Variants in TMEM62 observed in about 807,000 individuals in gnomAD.
TMEM62 encodes transmembrane protein 62.
Under a neutral mutation model 70.4 loss-of-function variants are expected in TMEM62, and 41 were observed. The ratio of observed to expected loss-of-function variants is 0.58; its 90% CI spans 0.45 to 0.76. The LOEUF (loss-of-function observed/expected upper bound fraction) is 0.76. Among genes scored for constraint, TMEM62 ranks in the 30% least tolerant of loss-of-function variants. TMEM62 has a pLI of 0.00. For missense variants in TMEM62, 688 were observed against 788.5 expected, an observed-to-expected ratio of 0.87 and a Z score of 1.53; for synonymous variants, 268 against 291.0, an observed-to-expected ratio of 0.92 and a Z score of 0.80.
chr15:43,135,419 G>A, intron 2 of TMEM62, 93 bp from the exon 3 acceptor site: 6 of 1,322,372 alleles, frequency 4.5e-6, no homozygotes, highest in Non-Finnish European at 6.0e-6. Flanking sequence ...AGTGCTTTAA[G>A]TATCCTTGTT....
intron 8 of TMEM62, among the ~76,000 whole-genome samples, chr15:43,154,154 C>G (rs1483044631): frequency 2.0e-5 from 3 of 152,118 alleles, no homozygotes; most frequent in Non-Finnish European, 4.4e-5. Context: ...AAATGGAACA[C>G]ACATGTGTCA....
At chr15:43,140,844 A>C (rs1443508000) in intron 4 of TMEM62, among the ~76,000 whole-genome samples, 2 of 152,166 alleles carry the variant, frequency 1.3e-5, no homozygotes, top group Non-Finnish European at 2.9e-5. Flanking sequence ...ATGGCATCCA[A>C]ACCCGCGCCC....
At chr15:43,175,720 G>T (rs997948713) in intron 11 of TMEM62, among the ~76,000 whole-genome samples, 2 of 152,174 alleles carry the variant, frequency 1.3e-5, no homozygotes, top group Middle Eastern at 3.2e-3. Flanking sequence ...GGCCGAACAG[G>T]AACAGCTCCG....
At chr15:43,149,506 AT>A (rs34518288) in intron 7 of TMEM62, among the ~76,000 whole-genome samples, 169 of 145,364 alleles carry the variant, frequency 1.2e-3, no homozygotes, top group East Asian at 2.8e-3. Context: ...AACAAATTAC[AT>A]TTTTTTTTTT....
intron 1 of TMEM62, 98 bp from the exon 2 acceptor site, chr15:43,134,157 CTT>C (rs2034835077): frequency 2.0e-6 from 3 of 1,468,592 alleles, no homozygotes; most frequent in Non-Finnish European, 2.8e-6. Flanking sequence ...TGCATTGCCT[CTT>C]TGCCTTTTCC....
chr15:43,137,726 C>A (rs2035423322), intron 3 of TMEM62, among the ~76,000 whole-genome samples: 1 of 152,230 alleles, frequency 6.6e-6, no homozygotes, highest in Non-Finnish European at 1.5e-5. Context: ...ACAGGACAGC[C>A]TCCATGGAAG....
In TMEM62 at chr15:43,133,847, C is replaced by A. The variant is rs1256231075; in HGVS notation, c.45C>A (p.Ala15=). The change falls in exon 1 of 14, where the codon GCC becomes GCA. Residue 15 remains alanine, a synonymous_variant. Transcript: ENST00000260403. ...TCAGGGTGGTCGCGGGGTTGGCGGC[C>A]GCAGCGCTGGTGGCCATGCTCTTGG... ...LALRVVAGLA[A]AALVAMLLEH... is the part of the protein sequence containing the mutation. The A allele has an allele frequency of 2.7e-6, 4 of 1,464,978 alleles. No individual in the cohort carries two copies. The Middle Eastern group carries it at 7.2e-4, about 263-fold the overall frequency. The allele number at this position is 1,464,978 out of a possible 1,614,324, so 90.7% of individuals were successfully genotyped here. A position where few individuals can be genotyped will look rare whatever the true frequency, so the allele number is the denominator to read the frequency against.
chr15:43,135,840 T>G (rs1348762685), intron 3 of TMEM62, 191 bp downstream of exon 3: 9 of 543,596 alleles, frequency 1.7e-5, no homozygotes, highest in African/African-American at 1.4e-4. Flanking sequence ...GAGATGACAA[T>G]TGGTATGGTC....
intron 3 of TMEM62, 125 bp from the exon 4 acceptor site, chr15:43,138,449 A>G (rs2035538312): frequency 1.3e-5 from 10 of 756,782 alleles, no homozygotes; most frequent in Admixed American, 2.6e-5. Flanking sequence ...GAACGGCTCT[A>G]CCCTGGGGGT....
chr15:43,155,374 T>C (rs1368481816), intron 9 of TMEM62, among the ~76,000 whole-genome samples: 1 of 151,912 alleles, frequency 6.6e-6, no homozygotes, highest in Non-Finnish European at 1.5e-5. Flanking sequence ...CGTGCATCTG[T>C]AGTCCTAGCT....
chr15:43,136,548 G>A (rs186359816), intron 3 of TMEM62, among the ~76,000 whole-genome samples: 2 of 151,864 alleles, frequency 1.3e-5, no homozygotes, highest in Admixed American at 6.5e-5. Context: ...GAGTTCAAGC[G>A]ATTCCCCTGC....
At chr15:43,160,849 T>C in intron 10 of TMEM62, 55 bp downstream of exon 10, 1 of 1,037,548 alleles carries the variant, frequency 9.6e-7, no homozygotes. Context: ...CTAAATAATA[T>C]ACAGTAGTCC....
At chr15:43,163,729 C>A (rs1033756959) in intron 10 of TMEM62, among the ~76,000 whole-genome samples, 1 of 151,766 alleles carries the variant, frequency 6.6e-6, no homozygotes, top group Admixed American at 6.6e-5. Context: ...TTGCAGTGAG[C>A]CAAGATCATG....
At chr15:43,161,454 C>A (rs2038688731) in intron 10 of TMEM62, among the ~76,000 whole-genome samples, 1 of 148,610 alleles carries the variant, frequency 6.7e-6, no homozygotes, top group African/African-American at 2.4e-5. Flanking sequence ...AAGAATATTT[C>A]TTTCCACATC....
At position 43,160,703 on chromosome 15, in the gene TMEM62, G is replaced by T; in HGVS notation, c.1205G>T (p.Ser402Ile). Residue 402 changes from serine (S) to isoleucine (I), a missense_variant, in exon 10 of 14, where the codon AGT becomes ATT. Ser to Ile is a moderately radical substitution (Grantham distance 142). Coordinates refer to ENST00000260403, the MANE Select transcript of TMEM62 (RefSeq NM_024956.4). ...TAGGATTCTGCTGGAAGAAGTAAGA[G>T]TGTTCACCACATATTTTCTGTTCAA... The part of the protein sequence containing the change: ...IVQDSAGRSK[S>I]VHHIFSVQEN... The T allele has an allele frequency of 6.2e-7, 1 of 1,609,856 alleles. No individual in the cohort carries two copies. Among genetic ancestry groups the T allele is most frequent in the Non-Finnish European group, 8.5e-7 (1 of 1,177,316 alleles).
Position 43,134,377 on chromosome 15 carries a change from G to C in TMEM62, c.292+9G>C, listed in dbSNP as rs747712007. 1.4e-4 allele frequency: 230 copies of C among 1,602,568 alleles called. No individual in the cohort carries two copies. Among genetic ancestry groups the C allele is most frequent in the Non-Finnish European group, 1.8e-4 (214 of 1,170,242 alleles). On this transcript the variant is annotated intron_variant, in intron 2 of 13. Transcript: ENST00000260403. ...TCTCGTCCTAGCAACAGGTAGGGAG[G>C]CTTGCCGTGCTGTGGTGGTGGTCTG...
At chr15:43,165,848 CA>C (rs2039348734) in intron 10 of TMEM62, among the ~76,000 whole-genome samples, 1 of 152,194 alleles carries the variant, frequency 6.6e-6, no homozygotes, top group African/African-American at 2.4e-5. Flanking sequence ...TGAGCTTCCT[CA>C]AAACAGCTAT....
intron 3 of TMEM62, among the ~76,000 whole-genome samples, chr15:43,137,086 G>C (rs2035329686): frequency 6.6e-6 from 1 of 152,098 alleles, no homozygotes; most frequent in African/African-American, 2.4e-5. Flanking sequence ...ATCTCCATAG[G>C]CATGAACAGG....
intron 10 of TMEM62, among the ~76,000 whole-genome samples, chr15:43,163,714 G>A (rs1441140991): frequency 6.6e-6 from 1 of 151,964 alleles, no homozygotes; most frequent in Non-Finnish European, 1.5e-5. Context: ...CCCGGGAGGC[G>A]GAGCTTGCAG....
Sources: gnomAD v4.1 joint callset for allele counts (sites outside exome capture counted in the v4.1 genomes callset) on GRCh38, gnomAD v4.1.1 for gene constraint, MANE v1.5 for transcripts, NCBI Gene and HGNC (gene_info 2026-07-23, HGNC 2026-07-21) for gene names.